The following ZNF347 variants were observed in gnomAD, a reference collection of about 807,000 sequenced individuals.
ZNF347 encodes the protein CTD-2620I22.7.
A neutral mutation model predicts 12.9 loss-of-function variants in ZNF347; 19 were observed. The observed-to-expected ratio is 1.47, with a 90% CI of 1.03 to 2.16. ZNF347 has a LOEUF of 2.16. Among genes scored for constraint, ZNF347 ranks in the 30% most tolerant of loss-of-function variants. ZNF347 has a pLI of 0.00. For missense variants in ZNF347, 1,005 were observed against 990.6 expected (o/e 1.01, Z -0.19); for synonymous variants, 328 against 340.6 (o/e 0.96, Z 0.41).
intron 4 of ZNF347, among the ~76,000 whole-genome samples, chr19:53,145,621 G>A (rs2090458038): frequency 6.6e-6 from 1 of 151,938 alleles, no homozygotes; most frequent in African/African-American, 2.4e-5. Context: ...TCAAACTCCT[G>A]AGCTCAAGCA....
chr19:53,140,308 C>T lies in ZNF347; in HGVS notation c.2520G>A (p.Ter840=), dbSNP rs1286164394. Residue 840 remains the stop codon, a stop_retained_variant, in exon 5 of 5, where the codon TAG becomes TAA. Coordinates refer to ENST00000334197, the MANE Select transcript of ZNF347 (RefSeq NM_032584.3). ...FKPCKPSQNS[*] ...CCTTCATTTGTAAGGTTTCTCTCCA[C>T]TATGAATTCTGTGATGGCTTGCAAG... The T allele has an allele frequency of 6.5e-7, 1 of 1,539,598 alleles. No individual in the cohort carries two copies. Among genetic ancestry groups the T allele is most frequent in the African/African-American group, 1.4e-5 (1 of 72,298 alleles).
At position 53,135,339 on chromosome 19, in the gene ZNF347, T is replaced by TATAGAGAGAGAG. The variant is rs2090381896; in HGVS notation, c.*4968_*4969insCTCTCTCTCTAT. 1.2e-5 allele frequency: 1 copy of TATAGAGAGAGAG among 85,256 alleles called. No individual in the cohort carries two copies. The highest frequency in any genetic ancestry group is 5.8e-5 in the African/African-American group (1 of 17,188). 5.3% of individuals were successfully genotyped at this position (85,256 alleles called of 1,614,324 possible). On this transcript the variant is annotated 3_prime_UTR_variant, in exon 5 of 5. Coordinates refer to ENST00000334197, the MANE Select transcript of ZNF347 (RefSeq NM_032584.3). Reference sequence around the variant, plus strand: ...ATATATATATATATATATATATATATAGAGAGAGAGAGAGAGAGAGAGAGA... The same window carrying TATAGAGAGAGAG: ...ATATATATATATATATATATATATATATAGAGAGAGAGAGAGAGAGAGAGAGAGAGAGAGAGA...
chr19:53,142,696 G>T (rs886483128), intron 4 of ZNF347, 140 bp from the exon 5 acceptor site: 23 of 650,842 alleles, frequency 3.5e-5, no homozygotes, highest in Non-Finnish European at 5.2e-5. Flanking sequence ...TGAAACTTCA[G>T]AACAATAATA....
Position 53,138,704 on chromosome 19 carries a change from T to A in ZNF347, c.*1604A>T, listed in dbSNP as rs1599849049. ...AGAAAAAAAAAATTGTTCTACATCC[T>A]CCAACCTAAAAGACTGAGTGTATTG... On this transcript the variant is annotated 3_prime_UTR_variant, in exon 5 of 5. Transcript: ENST00000334197. 1 of 152,144 alleles carries A rather than the reference T, an allele frequency of 6.6e-6. No individual in the cohort carries two copies. Among genetic ancestry groups the A allele is most frequent in the East Asian group, 1.9e-4 (1 of 5,184 alleles). The allele number at this position is 152,144 out of a possible 1,614,324, so 9.4% of individuals were successfully genotyped here.
At position 53,140,980 on chromosome 19, in the gene ZNF347, C is replaced by A; in HGVS notation, c.1848G>T (p.Gln616His). The change falls in exon 5 of 5, where the codon CAG (glutamine) becomes CAT (histidine). Residue 616 changes from glutamine (Q) to histidine (H), a missense_variant. Transcript: ENST00000334197. ...FRHNSYLSRH[Q>H]RIHTGEKPYK... ...AAGGTTTCTCTCCAGTATGAATTCGCTGATGCCTTGAAAGGTATGAATTAT... is the reference window on the plus strand; with the variant it reads ...AAGGTTTCTCTCCAGTATGAATTCGATGATGCCTTGAAAGGTATGAATTAT... 3 of 1,613,368 alleles carry A rather than the reference C, an allele frequency of 1.9e-6. No homozygotes were observed. The highest frequency in any genetic ancestry group is 2.5e-6 in the Non-Finnish European group (3 of 1,179,954).
intron 1 of ZNF347, among the ~76,000 whole-genome samples, chr19:53,156,941 A>G (rs1395861472): frequency 6.6e-6 from 1 of 152,138 alleles, no homozygotes; most frequent in African/African-American, 2.4e-5. Flanking sequence ...ATCCGCACAC[A>G]TTTTCGTGAG....
chr19:53,142,303 T>A lies in ZNF347; in HGVS notation c.525A>T (p.Ala175=). ...GCTGATTTTTAATAAGCTTGTTTCT[T>A]GCATCTCTTTTATCATGTTCATCTC... is the stretch of plus-strand genomic sequence containing the variant. ...HGRDEHDKRD[A]RNKLIKNQLG... is the part of the protein sequence containing the mutation. The change falls in exon 5 of 5, where the codon GCA becomes GCT. Residue 175 remains alanine (A), a synonymous_variant. Transcript: ENST00000334197. 6.2e-7 allele frequency: 1 copy of A among 1,614,094 alleles called. No individual in the cohort carries two copies. The highest frequency in any genetic ancestry group is 8.5e-7 in the Non-Finnish European group (1 of 1,179,996).
At position 53,137,639 on chromosome 19, in the gene ZNF347, CATG is replaced by C. The variant is rs574730623; in HGVS notation, c.*2666_*2668del. ...GGTGACAAATTAACATTACCAAAAA[CATG>C]ATAAGGCTAAATTTATGAAACTTCT... On this transcript the variant is annotated 3_prime_UTR_variant, in exon 5 of 5. Transcript: ENST00000334197. 292 of 152,210 alleles carry C rather than the reference CATG, an allele frequency of 1.9e-3. No individual in the cohort carries two copies. Among genetic ancestry groups the C allele is most frequent in the African/African-American group, 6.3e-3 (263 of 41,530 alleles). The allele number at this position is 152,210 out of a possible 1,614,324, so 9.4% of individuals were successfully genotyped here. A position where few individuals can be genotyped will look rare whatever the true frequency, so the allele number is the denominator to read the frequency against.
rs761748445 is a variant in ZNF347 at position 53,138,384 on chromosome 19, T to A, written c.*1924A>T. ...CCCCTGCCTTGGGCTCTCAAAGTGC[T>A]AGGATTACAGGCATGAACCACCACA... On this transcript the variant is annotated 3_prime_UTR_variant, in exon 5 of 5. Transcript: ENST00000334197. 1 of 152,186 alleles carries A rather than the reference T, an allele frequency of 6.6e-6. No homozygotes were observed. The highest frequency in any genetic ancestry group is 1.5e-5 in the Non-Finnish European group (1 of 68,042). 9.4% of individuals were successfully genotyped at this position (152,186 alleles called of 1,614,324 possible).
intron 2 of ZNF347, among the ~76,000 whole-genome samples, chr19:53,152,250 A>G (rs1279856493): frequency 6.6e-6 from 1 of 152,176 alleles, no homozygotes; most frequent in African/African-American, 2.4e-5. Flanking sequence ...TGAGCTATAC[A>G]TCTTTCCTAA....
intron 2 of ZNF347, 28 bp from the exon 3 acceptor site, chr19:53,149,395 G>A (rs750120840): frequency 5.6e-6 from 9 of 1,612,206 alleles, no homozygotes; most frequent in Admixed American, 5.0e-5. Context: ...TCCACCAGGG[G>A]GATATAAGGA....
At position 53,154,545 on chromosome 19, in the gene ZNF347, G is replaced by C. The variant is rs945083256; in HGVS notation, c.-46-752C>G. ...GGACTAAGCCCACGTTCAGAGAACA[G>C]AAAGTTCTGGAGACACAAGAAGAGG... is the stretch of plus-strand genomic sequence containing the variant. On this transcript the variant is annotated intron_variant, in intron 1 of 4. Transcript: ENST00000334197. 3.3e-5 allele frequency among the ~76,000 whole-genome samples: 5 copies of C among 152,230 alleles called. No homozygotes were observed. The South Asian group carries it at 1.0e-3, about 32-fold the overall frequency.
Position 53,135,676 on chromosome 19 carries a change from TTTGA to T in ZNF347, c.*4628_*4631del, listed in dbSNP as rs2090385232. 1 of 152,126 alleles carries T rather than the reference TTTGA, an allele frequency of 6.6e-6. No homozygotes were observed. The highest frequency in any genetic ancestry group is 6.6e-5 in the Admixed American group (1 of 15,264). 9.4% of individuals were successfully genotyped at this position (152,126 alleles called of 1,614,324 possible). On this transcript the variant is annotated 3_prime_UTR_variant, in exon 5 of 5. Coordinates refer to ENST00000334197, the MANE Select transcript of ZNF347 (RefSeq NM_032584.3). ...GCATGAGCCACTGTGCCCAGCCTAA[TTTGA>T]TTATTTTGCTTATCTGTCCTAAGTT... is the stretch of plus-strand genomic sequence containing the variant.
intron 4 of ZNF347, among the ~76,000 whole-genome samples, chr19:53,142,841 G>A (rs543451813): frequency 1.3e-5 from 2 of 152,226 alleles, no homozygotes; most frequent in South Asian, 4.1e-4. Context: ...AGTCATAAAG[G>A]AGAGAAAGTC....
chr19:53,139,409 T>C lies in ZNF347; in HGVS notation c.*899A>G, dbSNP rs1028511826. 6.6e-6 allele frequency: 1 copy of C among 152,206 alleles called. No homozygotes were observed. The highest frequency in any genetic ancestry group is 1.5e-5 in the Non-Finnish European group (1 of 68,038). 9.4% of individuals were successfully genotyped at this position (152,206 alleles called of 1,614,324 possible). On this transcript the variant is annotated 3_prime_UTR_variant, in exon 5 of 5. Coordinates refer to ENST00000334197, the MANE Select transcript of ZNF347 (RefSeq NM_032584.3). ...TTCCATACTGTGGTTCTTTCCCAGATAGGCACCACGAAAGGTGCTTAAGGA... is the reference window on the plus strand; with the variant it reads ...TTCCATACTGTGGTTCTTTCCCAGACAGGCACCACGAAAGGTGCTTAAGGA...
chr19:53,155,430 T>TCAAGC (rs1217252454), intron 1 of ZNF347, among the ~76,000 whole-genome samples: 1 of 151,886 alleles, frequency 6.6e-6, no homozygotes, highest in Non-Finnish European at 1.5e-5. Context: ...GCTCTCGTGT[T>TCAAGC]CAAGCGATTC....
At chr19:53,151,534 T>C in intron 2 of ZNF347, among the ~76,000 whole-genome samples, 1 of 80,366 alleles carries the variant, frequency 1.2e-5, no homozygotes, top group Non-Finnish European at 2.5e-5. Context: ...CAAGACTGTC[T>C]AAAAAAAAAA....
chr19:53,149,222 G>C lies in ZNF347; in HGVS notation c.142+19C>G, dbSNP rs60815959. 3.9e-3 allele frequency: 6,339 copies of C among 1,610,356 alleles called. 203 individuals are homozygous for C. The African/African-American group carries it at 0.074, about 19-fold the overall frequency. On this transcript the variant is annotated intron_variant, in intron 3 of 4. Transcript: ENST00000334197. ...TACACAGGGGCAGATCCTGACTTCT[G>C]GAAGAAAGTCATCCTCACCCAGGGA...
intron 4 of ZNF347, among the ~76,000 whole-genome samples, chr19:53,148,127 A>T (rs1357900770): frequency 6.6e-6 from 1 of 152,226 alleles, no homozygotes; most frequent in Non-Finnish European, 1.5e-5. Flanking sequence ...CACTACTTCT[A>T]TTCAACATAG....
Sources: allele counts gnomAD v4.1 joint callset (sites outside exome capture counted in the v4.1 genomes callset), GRCh38; gene constraint gnomAD v4.1.1; transcripts MANE v1.5; gene names NCBI Gene and HGNC (gene_info 2026-07-23, HGNC 2026-07-21).